The following CPNE2 variants were observed in gnomAD, a reference collection of about 807,000 sequenced individuals.
The protein encoded by CPNE2 is copine-2.
In CPNE2, 42 loss-of-function variants were observed where a neutral mutation model predicts 69.7. The observed-to-expected ratio is 0.60, with a 90% CI of 0.47 to 0.78. The LOEUF (loss-of-function observed/expected upper bound fraction) is 0.78. Among genes scored for constraint, CPNE2 ranks in the 30% least tolerant of loss-of-function variants. CPNE2 has a pLI of 0.00. For synonymous variants in CPNE2, 294 were observed against 289.8 expected (o/e 1.01, Z -0.15); for missense variants, 587 against 732.0 (o/e 0.80, Z 2.29).
At chr16:57,123,279 T>C (rs1341573037) in intron 9 of CPNE2, 135 bp from the exon 10 acceptor site, 10 of 841,848 alleles carry the variant, frequency 1.2e-5, no homozygotes, top group Non-Finnish European at 1.8e-5. Context: ...TGGGTTTTGT[T>C]GTAATTAGAT....
chr16:57,111,042 G>A, intron 2 of CPNE2, 120 bp downstream of exon 2: 1 of 707,592 alleles, frequency 1.4e-6, no homozygotes, highest in Non-Finnish European at 2.1e-6. Context: ...TGGGCTGGTG[G>A]CAGGGGATTA....
At chr16:57,143,142 CTGGGGG>C (rs768437982) in intron 14 of CPNE2, 3 of 152,412 alleles carry the variant, frequency 2.0e-5, no homozygotes, top group Admixed American at 6.5e-5. Context: ...TTGATCTGTC[CTGGGGG>C]TAGGGCTGTG....
At chr16:57,106,472 CAG>C (rs2069649486) in intron 1 of CPNE2, among the ~76,000 whole-genome samples, 1 of 152,156 alleles carries the variant, frequency 6.6e-6, no homozygotes, top group African/African-American at 2.4e-5. Context: ...GAGGTGACCC[CAG>C]AGTGTTCATA....
chr16:57,118,648 A>AGATG (rs3054318), intron 5 of CPNE2, among the ~76,000 whole-genome samples: 102,534 of 141,576 alleles, frequency 0.72, 37,423 homozygotes, highest in Admixed American at 0.78. Context: ...GAGACCCCAT[A>AGATG]GATGGATGGA....
At chr16:57,120,148 C>G (rs1268110448) in intron 7 of CPNE2, among the ~76,000 whole-genome samples, 1 of 152,006 alleles carries the variant, frequency 6.6e-6, no homozygotes, top group Non-Finnish European at 1.5e-5. Flanking sequence ...CGGTGCACGC[C>G]TGTAGTCCCA....
chr16:57,111,236 GT>G (rs1485490342), intron 2 of CPNE2, among the ~76,000 whole-genome samples: 3 of 149,872 alleles, frequency 2.0e-5, no homozygotes, highest in Non-Finnish European at 4.4e-5. Context: ...GAGTGCAGTG[GT>G]GAGATCTCAG....
intron 2 of CPNE2, among the ~76,000 whole-genome samples, chr16:57,111,309 TG>T (rs1188924908): frequency 1.3e-5 from 2 of 151,848 alleles, no homozygotes; most frequent in Middle Eastern, 3.2e-3. Flanking sequence ...CCCGATTAGC[TG>T]GGGCTACAGG....
intron 1 of CPNE2, among the ~76,000 whole-genome samples, chr16:57,102,347 A>G (rs1428790158): frequency 2.0e-5 from 3 of 152,176 alleles, no homozygotes; most frequent in Non-Finnish European, 4.4e-5. Flanking sequence ...AGCCTCTGCT[A>G]TCAGAGATGA....
At chr16:57,121,905 C>G (rs2069765584) in intron 9 of CPNE2, 145 bp downstream of exon 9, 1 of 693,892 alleles carries the variant, frequency 1.4e-6, no homozygotes. Flanking sequence ...TTCTGAGCTT[C>G]ACCTCACCAG....
intron 4 of CPNE2, among the ~76,000 whole-genome samples, 183 bp downstream of exon 4, chr16:57,115,733 C>A (rs2305699): frequency 0.088 from 13,337 of 152,276 alleles, 673 homozygotes; most frequent in East Asian, 0.23. Context: ...GCAGTGGGGG[C>A]TGACAAGCTG....
chr16:57,131,067 C>T (rs1220723016), intron 12 of CPNE2, among the ~76,000 whole-genome samples: 1 of 152,044 alleles, frequency 6.6e-6, no homozygotes, highest in Non-Finnish European at 1.5e-5. Flanking sequence ...GCAGGGAATG[C>T]TGTCCCATTT....
rs1232393023 is a variant in CPNE2, at chr16:57,146,071, C to T, written c.1303-14C>T. On this transcript the variant is annotated splice_polypyrimidine_tract_variant and intron_variant, in intron 14 of 15. Coordinates refer to ENST00000290776, the MANE Select transcript of CPNE2 (RefSeq NM_152727.6). The surrounding 1 kb of genome is among the most constrained non-coding windows in gnomAD (Gnocchi z 4.4). ...TCGACCTTGCTGAGTGCCCCGTTGG[C>T]CCCCTCCCTGCAGCAGTACTTCATC... is the stretch of plus-strand genomic sequence containing the variant. The T allele has an allele frequency of 6.3e-7, 1 of 1,598,412 alleles. No homozygotes were observed.
At chr16:57,114,389 G>T (rs1449508791) in intron 3 of CPNE2, among the ~76,000 whole-genome samples, 1 of 152,146 alleles carries the variant, frequency 6.6e-6, no homozygotes, top group African/African-American at 2.4e-5. Flanking sequence ...GAGGCCTCTG[G>T]ACTGCAACTG....
At chr16:57,117,599 G>C in intron 5 of CPNE2, 32 bp downstream of exon 5, 12 of 1,608,348 alleles carry the variant, frequency 7.5e-6, no homozygotes, top group Non-Finnish European at 1.0e-5. Flanking sequence ...CTCCCATTGG[G>C]AACAGTAGCC....
intron 12 of CPNE2, among the ~76,000 whole-genome samples, chr16:57,131,887 G>C (rs1360032579): frequency 2.6e-5 from 4 of 152,214 alleles, no homozygotes; most frequent in Non-Finnish European, 5.9e-5. Context: ...GAATTTCGGG[G>C]AGTGGCCTGC....
At chr16:57,105,626 CG>C (rs1469603507) in intron 1 of CPNE2, among the ~76,000 whole-genome samples, 1 of 152,082 alleles carries the variant, frequency 6.6e-6, no homozygotes, top group Admixed American at 6.5e-5. Flanking sequence ...TGCATAGCCC[CG>C]GGGTGCTCAG....
chr16:57,105,430 G>GTTT (rs113892684), intron 1 of CPNE2, among the ~76,000 whole-genome samples: 1 of 142,210 alleles, frequency 7.0e-6, no homozygotes, highest in Non-Finnish European at 1.6e-5. Flanking sequence ...TATGTGTCCG[G>GTTT]TTTTTTTTTT....
intron 13 of CPNE2, among the ~76,000 whole-genome samples, chr16:57,136,656 G>A (rs2069883675): frequency 6.6e-6 from 1 of 152,204 alleles, no homozygotes; most frequent in Non-Finnish European, 1.5e-5. Context: ...ACTCATGCCT[G>A]TAATCCCAGC....
chr16:57,121,760 G>A lies in CPNE2; in HGVS notation c.867G>A (p.Lys289=). The change falls in exon 9 of 16, where the codon AAG becomes AAA. Residue 289 remains lysine (K), a splice_region_variant and synonymous_variant. Coordinates refer to ENST00000290776, the MANE Select transcript of CPNE2 (RefSeq NM_152727.6). ...GCATCATCATCCTGCGATCCTGCAA[G>A]GTGAACCAGCGTGGGCAAGCACGAG... ...NSGIIILRSC[K]INRDYSFLDY... 6.2e-7 allele frequency: 1 copy of A among 1,614,144 alleles called. No homozygotes were observed. Among genetic ancestry groups the A allele is most frequent in the Non-Finnish European group, 8.5e-7 (1 of 1,179,984 alleles).
Sources: gnomAD v4.1 joint callset for allele counts (sites outside exome capture counted in the v4.1 genomes callset) on GRCh38, gnomAD v4.1.1 for gene constraint, Gnocchi (gnomAD v3.1) non-coding constraint, MANE v1.5 for transcripts, NCBI Gene and HGNC (gene_info 2026-07-23, HGNC 2026-07-21) for gene names.